MFSD11: variants seen among roughly 807,000 people sequenced by gnomAD.
The protein encoded by MFSD11 is major facilitator superfamily domain containing 11.
Under a neutral mutation model 53.5 loss-of-function variants are expected in MFSD11, and 36 were observed. The ratio of observed to expected loss-of-function variants is 0.67; its 90% CI spans 0.52 to 0.89. The LOEUF (loss-of-function observed/expected upper bound fraction) is 0.89. MFSD11 is among the 40% of genes least tolerant of loss of function. MFSD11 has a pLI of 0.00. For synonymous variants in MFSD11, 186 were observed against 184.9 expected (o/e 1.01, Z -0.05); for missense variants, 530 against 543.9 (o/e 0.97, Z 0.25).
chr17:76,753,857 C>T (rs2079308801), intron 7 of MFSD11, among the ~76,000 whole-genome samples, 190 bp from the exon 8 acceptor site: 2 of 151,908 alleles, frequency 1.3e-5, no homozygotes, highest in Non-Finnish European at 2.9e-5. Flanking sequence ...CCAGGTGGGA[C>T]TTTAAAAACC....
intron 8 of MFSD11, among the ~76,000 whole-genome samples, chr17:76,756,629 G>A (rs2079659383): frequency 6.6e-6 from 1 of 152,076 alleles, no homozygotes; most frequent in African/African-American, 2.4e-5. Flanking sequence ...GGGAGGCTGA[G>A]GTGGGAGGAT....
At chr17:76,782,427 A>T (rs1392872207), downstream of MFSD11, among the ~76,000 whole-genome samples, 2 of 147,186 alleles carry the variant, frequency 1.4e-5, no homozygotes, top group African/African-American at 2.5e-5. Flanking sequence ...CACCCGTCTC[A>T]GCCTCCCAAA....
the MFSD11 span, among the ~76,000 whole-genome samples, chr17:76,790,227 C>T: frequency 2.7e-5 from 4 of 147,288 alleles, no homozygotes; most frequent in African/African-American, 1.0e-4. Context: ...CCACCACGCC[C>T]AGCTAATTTT....
downstream of MFSD11, among the ~76,000 whole-genome samples, chr17:76,785,870 C>T (rs2071763093): frequency 6.6e-6 from 1 of 151,814 alleles, no homozygotes; most frequent in South Asian, 2.1e-4. Flanking sequence ...CACCTGAGGT[C>T]AGGAGTTTGA....
intron 7 of MFSD11, among the ~76,000 whole-genome samples, chr17:76,745,192 G>A (rs2078425925): frequency 6.6e-6 from 1 of 152,158 alleles, no homozygotes; most frequent in South Asian, 2.1e-4. Flanking sequence ...TTGCCTTATA[G>A]CATTTTATAT....
At chr17:76,757,838 G>C (rs2079804766) in intron 8 of MFSD11, among the ~76,000 whole-genome samples, 1 of 151,974 alleles carries the variant, frequency 6.6e-6, no homozygotes, top group Admixed American at 6.6e-5. Flanking sequence ...GTGAAACCCT[G>C]TCTCTACTAA....
chr17:76,750,578 G>C lies in MFSD11; in HGVS notation c.642-3469G>C, dbSNP rs148948353. On this transcript the variant is annotated intron_variant, in intron 7 of 12. Coordinates refer to ENST00000685175, the MANE Select transcript of MFSD11 (RefSeq NM_001242532.5). ...TCACTGTGTTAGCCAGGATGGTCTC[G>C]ATCTCCTGACCTCGTGATCCGCCCA... 6.6e-3 allele frequency among the ~76,000 whole-genome samples: 1,001 copies of C among 151,858 alleles called. 13 individuals are homozygous for C. Among genetic ancestry groups the C allele is most frequent in the African/African-American group, 0.023 (958 of 41,410 alleles).
At chr17:76,781,669 A>G (rs2082166697), downstream of MFSD11, among the ~76,000 whole-genome samples, 1 of 152,184 alleles carries the variant, frequency 6.6e-6, no homozygotes, top group African/African-American at 2.4e-5. Flanking sequence ...AATCTGAGGA[A>G]GCCATGGCAT....
downstream of MFSD11, among the ~76,000 whole-genome samples, chr17:76,786,168 G>T (rs1436197693): frequency 2.1e-5 from 3 of 141,376 alleles, no homozygotes; most frequent in Non-Finnish European, 1.5e-5. Context: ...TTTTTGAGAC[G>T]GAGTGTTGCT....
At chr17:76,742,923 G>A (rs1356243011) in intron 5 of MFSD11, among the ~76,000 whole-genome samples, 1 of 152,190 alleles carries the variant, frequency 6.6e-6, no homozygotes, top group East Asian at 1.9e-4. Context: ...CCTTGACAAG[G>A]CTTAACAAAT....
intron 7 of MFSD11, among the ~76,000 whole-genome samples, chr17:76,753,381 T>C (rs923353630): frequency 2.0e-5 from 3 of 152,076 alleles, no homozygotes; most frequent in African/African-American, 7.2e-5. Context: ...AGTTTGAAGG[T>C]AACAGGATAG....
chr17:76,753,802 G>A (rs1260608554), intron 7 of MFSD11, among the ~76,000 whole-genome samples: 1 of 152,032 alleles, frequency 6.6e-6, no homozygotes, highest in African/African-American at 2.4e-5. Context: ...TGTACAATAA[G>A]TGTAATCTGA....
In MFSD11 at chr17:76,744,251, C is replaced by T. The variant is rs1210050654; in HGVS notation, c.497-71C>T. Reference sequence around the variant, plus strand: ...GAAGTGTGTTGACAGTTGTAAGCAGCCCTTGTACCGTGATACTAATTCTGG... The same window carrying T: ...GAAGTGTGTTGACAGTTGTAAGCAGTCCTTGTACCGTGATACTAATTCTGG... On this transcript the variant is annotated intron_variant, in intron 6 of 12. Transcript: ENST00000685175. The T allele has an allele frequency of 4.8e-6, 7 of 1,461,410 alleles. No individual in the cohort carries two copies. In the South Asian group the frequency reaches 5.4e-5, roughly 11 times the overall value. The allele number at this position is 1,461,410 out of a possible 1,614,324, so 90.5% of individuals were successfully genotyped here.
intron 3 of MFSD11, 63 bp downstream of exon 3, chr17:76,741,127 G>C: frequency 9.7e-7 from 1 of 1,029,496 alleles, no homozygotes; most frequent in East Asian, 2.4e-5. Flanking sequence ...CAAGTAGATA[G>C]TAAACTTCAC....
chr17:76,736,990 G>A (rs376379121), upstream of MFSD11: 3 of 1,613,494 alleles, frequency 1.9e-6, no homozygotes, highest in South Asian at 1.1e-5. Flanking sequence ...GAACGAAGGC[G>A]AAGCCGCGGG....
At chr17:76,752,465 C>G (rs1189469463) in intron 7 of MFSD11, among the ~76,000 whole-genome samples, 1 of 149,744 alleles carries the variant, frequency 6.7e-6, no homozygotes, top group African/African-American at 2.5e-5. Context: ...GGCGTGATCT[C>G]AGTTTCTGGG....
chr17:76,793,890 T>C, the MFSD11 span, among the ~76,000 whole-genome samples: 5 of 151,242 alleles, frequency 3.3e-5, 1 homozygote, highest in African/African-American at 9.8e-5. Context: ...AAGTGATGCA[T>C]TGGGACAAAG....
chr17:76,758,935 CAT>C (rs1471147871), intron 8 of MFSD11, among the ~76,000 whole-genome samples: 1 of 151,986 alleles, frequency 6.6e-6, no homozygotes, highest in Non-Finnish European at 1.5e-5. Flanking sequence ...TTACTGATAA[CAT>C]AAACAGTTGA....
intron 2 of MFSD11, among the ~76,000 whole-genome samples, chr17:76,740,234 A>C (rs1466692077): frequency 6.6e-6 from 1 of 152,164 alleles, no homozygotes; most frequent in Non-Finnish European, 1.5e-5. Context: ...AGAGATTCAT[A>C]AAAGCCAAAG....
Sources: gnomAD v4.1 joint callset for allele counts (sites outside exome capture counted in the v4.1 genomes callset) on GRCh38, gnomAD v4.1.1 for gene constraint, MANE v1.5 for transcripts, NCBI Gene and HGNC (gene_info 2026-07-23, HGNC 2026-07-21) for gene names.